GALNT13: variants seen among roughly 807,000 people sequenced by gnomAD.
The protein encoded by GALNT13 is polypeptide N-acetylgalactosaminyltransferase 13.
Under a neutral mutation model 64.2 loss-of-function variants are expected in GALNT13, and 28 were observed. The observed-to-expected ratio is 0.44, with a 90% CI of 0.32 to 0.60. The LOEUF is 0.60. Ranked by LOEUF, GALNT13 falls within the 20% of genes least tolerant of loss-of-function variation. The pLI, the probability that GALNT13 is intolerant of heterozygous loss-of-function variation, is 0.05. For missense variants in GALNT13, 577 were observed against 669.8 expected (o/e 0.86, Z 1.53); for synonymous variants, 214 against 224.6 (o/e 0.95, Z 0.42).
chr2:154,376,658 T>A (rs1348649080), intron 9 of GALNT13, among the ~76,000 whole-genome samples: 3 of 152,116 alleles, frequency 2.0e-5, no homozygotes, highest in Non-Finnish European at 2.9e-5. Flanking sequence ...AATTACAGGT[T>A]AATAGTGTCA....
At chr2:154,338,548 C>G (rs140295637) in intron 9 of GALNT13, among the ~76,000 whole-genome samples, 270 of 152,196 alleles carry the variant, frequency 1.8e-3, no homozygotes, top group African/African-American at 6.2e-3. Flanking sequence ...GGAGGCATGA[C>G]ACACCATGCA....
the GALNT13 span, among the ~76,000 whole-genome samples, chr2:153,666,747 T>A: frequency 6.6e-6 from 1 of 152,136 alleles, no homozygotes; most frequent in African/African-American, 2.4e-5. Context: ...TCTGGCAAGT[T>A]AAAAGCCAGA....
At chr2:153,635,618 G>A in the GALNT13 span, among the ~76,000 whole-genome samples, 1 of 151,984 alleles carries the variant, frequency 6.6e-6, no homozygotes, top group South Asian at 2.1e-4. Context: ...GAATTCTGCA[G>A]AGTTGAAGAG....
the GALNT13 span, among the ~76,000 whole-genome samples, chr2:153,576,557 A>G: frequency 6.6e-6 from 1 of 152,316 alleles, no homozygotes; most frequent in East Asian, 1.9e-4. Context: ...TTAATGCCTC[A>G]TAATTGCTGT....
At chr2:153,512,216 G>T in the GALNT13 span, among the ~76,000 whole-genome samples, 1 of 152,132 alleles carries the variant, frequency 6.6e-6, no homozygotes, top group Non-Finnish European at 1.5e-5. Flanking sequence ...TGAAAGGGAG[G>T]ATGACCCTAG....
chr2:153,383,556 A>G, the GALNT13 span, among the ~76,000 whole-genome samples: 1 of 152,038 alleles, frequency 6.6e-6, no homozygotes, highest in Non-Finnish European at 1.5e-5. Context: ...AGCAGCTTAT[A>G]TTGGGGTTGA....
chr2:154,056,727 A>G (rs552373088), intron 3 of GALNT13, among the ~76,000 whole-genome samples: 56 of 152,268 alleles, frequency 3.7e-4, no homozygotes, highest in Middle Eastern at 3.4e-3. Context: ...AGTAACTCCA[A>G]TTTGTTAGAG....
the GALNT13 span, among the ~76,000 whole-genome samples, chr2:153,656,339 T>TGTGTGTGTGTGTGC: frequency 7.6e-3 from 1,073 of 141,508 alleles, 14 homozygotes; most frequent in East Asian, 0.033. Flanking sequence ...TGTGTGTGTG[T>TGTGTGTGTGTGTGC]GCGCGCGCAC....
chr2:154,188,648 A>G (rs1686396247), intron 4 of GALNT13, among the ~76,000 whole-genome samples: 1 of 152,200 alleles, frequency 6.6e-6, no homozygotes, highest in South Asian at 2.1e-4. Flanking sequence ...ACTATTTTCA[A>G]ATTAGATTGC....
chr2:153,639,226 G>A, the GALNT13 span, among the ~76,000 whole-genome samples: 1 of 152,036 alleles, frequency 6.6e-6, no homozygotes, highest in South Asian at 2.1e-4. Context: ...AAGGAGTTAG[G>A]ATTAATTGTT....
At chr2:154,337,284 T>C (rs1695508232) in intron 9 of GALNT13, among the ~76,000 whole-genome samples, 2 of 152,232 alleles carry the variant, frequency 1.3e-5, no homozygotes, top group South Asian at 4.1e-4. Context: ...TAATATATGT[T>C]CACTGTAGAA....
chr2:153,346,382 T>C, the GALNT13 span, among the ~76,000 whole-genome samples: 2 of 152,356 alleles, frequency 1.3e-5, no homozygotes, highest in South Asian at 4.1e-4. Context: ...CCTTCCTTGG[T>C]GTCTTCTAAT....
At chr2:153,865,680 T>C in the GALNT13 span, among the ~76,000 whole-genome samples, 2 of 105,998 alleles carry the variant, frequency 1.9e-5, no homozygotes, top group Non-Finnish European at 3.9e-5. Context: ...GGAGAGGATG[T>C]GGAGAAACAG....
chr2:153,267,615 G>A, the GALNT13 span, among the ~76,000 whole-genome samples: 1 of 152,168 alleles, frequency 6.6e-6, no homozygotes, highest in Non-Finnish European at 1.5e-5. Flanking sequence ...AGAGCAGTGG[G>A]GCCATGCTCC....
chr2:153,857,709 T>C, the GALNT13 span, among the ~76,000 whole-genome samples: 1 of 152,232 alleles, frequency 6.6e-6, no homozygotes. Flanking sequence ...CTCTTCTTGA[T>C]ATATCTGAAA....
chr2:153,713,254 G>T, the GALNT13 span, among the ~76,000 whole-genome samples: 8 of 152,018 alleles, frequency 5.3e-5, no homozygotes, highest in African/African-American at 1.7e-4. Flanking sequence ...ACTTCCCTTT[G>T]TATGAAATAA....
At chr2:153,670,939 A>C in the GALNT13 span, among the ~76,000 whole-genome samples, 1 of 152,188 alleles carries the variant, frequency 6.6e-6, no homozygotes, top group Non-Finnish European at 1.5e-5. Flanking sequence ...GATTAAGCAG[A>C]AGAAAGGATA....
At chr2:154,330,496 A>C (rs919365441) in intron 9 of GALNT13, among the ~76,000 whole-genome samples, 19 of 152,106 alleles carry the variant, frequency 1.2e-4, no homozygotes, top group African/African-American at 4.6e-4. Context: ...TTGCTCCCTA[A>C]TTTATATACA....
the GALNT13 span, among the ~76,000 whole-genome samples, chr2:153,254,564 G>A: frequency 6.6e-6 from 1 of 151,930 alleles, no homozygotes; most frequent in African/African-American, 2.4e-5. Context: ...TGATGTTAGG[G>A]GGTCAATTTT....
Sources: allele counts gnomAD v4.1 joint callset (sites outside exome capture counted in the v4.1 genomes callset), GRCh38; gene constraint gnomAD v4.1.1; transcripts MANE v1.5; gene names NCBI Gene and HGNC (gene_info 2026-07-23, HGNC 2026-07-21).